Variants in ATP9B observed in about 807,000 individuals in gnomAD.
The protein encoded by ATP9B is ATPase phospholipid transporting 9B.
A neutral mutation model predicts 146.1 loss-of-function variants in ATP9B; 110 were observed. That is an observed-to-expected ratio of 0.75 (90% CI 0.65 to 0.88). The LOEUF (loss-of-function observed/expected upper bound fraction) is 0.88, where lower values mean the gene tolerates loss of function less well. ATP9B is among the 40% of genes least tolerant of loss of function. The pLI is 0.00. For missense variants in ATP9B, 1,499 were observed against 1,496.4 expected, an observed-to-expected ratio of 1.00 and a Z score of -0.03; for synonymous variants, 604 against 569.7, an observed-to-expected ratio of 1.06 and a Z score of -0.86.
At chr18:79,154,626 A>C (rs1359907077) in intron 7 of ATP9B, 71 bp downstream of exon 7, 1 of 1,010,850 alleles carries the variant, frequency 9.9e-7, no homozygotes, top group African/African-American at 1.7e-5. Flanking sequence ...ATATCTATAC[A>C]AGGAAAAACT....
chr18:79,128,986 G>A (rs1356379873), intron 5 of ATP9B, among the ~76,000 whole-genome samples: 1 of 152,094 alleles, frequency 6.6e-6, no homozygotes. Flanking sequence ...GAAGATAATG[G>A]CCCATGTTCC....
intron 12 of ATP9B, among the ~76,000 whole-genome samples, chr18:79,275,391 A>G (rs2096296720): frequency 6.6e-6 from 1 of 152,222 alleles, no homozygotes; most frequent in African/African-American, 2.4e-5. Flanking sequence ...AGAAGAGTTA[A>G]TGTAAATGTG....
chr18:79,282,340 A>G (rs183792649), intron 13 of ATP9B, among the ~76,000 whole-genome samples: 2 of 152,340 alleles, frequency 1.3e-5, no homozygotes, highest in South Asian at 2.1e-4. Flanking sequence ...GTCCAACAAC[A>G]TGGCATGCTA....
intron 12 of ATP9B, among the ~76,000 whole-genome samples, chr18:79,275,235 T>A (rs2096294902): frequency 6.7e-6 from 1 of 148,524 alleles, no homozygotes; most frequent in Non-Finnish European, 1.5e-5. Flanking sequence ...CCCTCTTCTG[T>A]ACAGGAAGGC....
intron 13 of ATP9B, among the ~76,000 whole-genome samples, chr18:79,297,160 G>A (rs1430863890): frequency 1.5e-5 from 2 of 137,430 alleles, no homozygotes; most frequent in Admixed American, 7.6e-5. Flanking sequence ...ACAGAGAGAC[G>A]ACCCAGAGAG....
intron 15 of ATP9B, among the ~76,000 whole-genome samples, chr18:79,318,988 A>G (rs928371583): frequency 3.9e-5 from 6 of 152,148 alleles, no homozygotes; most frequent in Middle Eastern, 3.2e-3. Flanking sequence ...TAAAAATGTT[A>G]GGGAAGAAAA....
intron 4 of ATP9B, among the ~76,000 whole-genome samples, chr18:79,116,938 ATT>A (rs1159481303): frequency 6.0e-5 from 6 of 100,504 alleles, no homozygotes; most frequent in South Asian, 3.4e-4. Context: ...AAAAAAAAAA[ATT>A]AAAAAAAAAA....
Position 79,214,028 on chromosome 18 carries a change from C to CA in ATP9B, c.1103dup (p.Asn368LysfsTer2). 1 of 1,593,930 alleles carries CA rather than the reference C, an allele frequency of 6.3e-7. No individual in the cohort carries two copies. Among genetic ancestry groups the CA allele is most frequent in the Non-Finnish European group, 8.5e-7 (1 of 1,173,508 alleles). ...CGAAGTGTAATGAACACATCCAATC[C>CA]AAAAAATAAGGTAGGCTAGATTGAG... On this transcript the variant is annotated frameshift_variant, in exon 11 of 30. Transcript: ENST00000426216. LOFTEE classifies it high-confidence loss of function.
intron 12 of ATP9B, among the ~76,000 whole-genome samples, chr18:79,269,862 T>C (rs963657535): frequency 6.6e-6 from 1 of 152,254 alleles, no homozygotes; most frequent in Non-Finnish European, 1.5e-5. Context: ...GGCCTGCGCC[T>C]GCTGGCCCTG....
chr18:79,099,053 C>G (rs2075051872), intron 2 of ATP9B, among the ~76,000 whole-genome samples: 2 of 152,212 alleles, frequency 1.3e-5, no homozygotes, highest in African/African-American at 2.4e-5. Flanking sequence ...TTTATTTTCT[C>G]TCTTATTTTG....
chr18:79,210,401 G>A (rs1169129985), intron 10 of ATP9B, among the ~76,000 whole-genome samples: 2 of 152,116 alleles, frequency 1.3e-5, no homozygotes, highest in African/African-American at 4.8e-5. Flanking sequence ...TGGGCCAGCC[G>A]TGTGGTGTCT....
At chr18:79,192,116 AT>A (rs2095372456) in intron 8 of ATP9B, among the ~76,000 whole-genome samples, 1 of 152,036 alleles carries the variant, frequency 6.6e-6, no homozygotes, top group African/African-American at 2.4e-5. Flanking sequence ...TCATACACAG[AT>A]TCGGCCCCTT....
chr18:79,119,853 C>A (rs769185101), intron 4 of ATP9B, among the ~76,000 whole-genome samples: 22 of 152,160 alleles, frequency 1.4e-4, no homozygotes, highest in Non-Finnish European at 3.2e-4. Flanking sequence ...TTGATGTACA[C>A]CTTAGGCTTA....
chr18:79,281,383 G>A (rs945735555), intron 13 of ATP9B, among the ~76,000 whole-genome samples: 1 of 152,004 alleles, frequency 6.6e-6, no homozygotes, highest in Non-Finnish European at 1.5e-5. Flanking sequence ...TGTAGTCTTA[G>A]CTACTCCGGA....
At chr18:79,192,268 T>G (rs2095373848) in intron 8 of ATP9B, among the ~76,000 whole-genome samples, 1 of 152,196 alleles carries the variant, frequency 6.6e-6, no homozygotes, top group Non-Finnish European at 1.5e-5. Flanking sequence ...GACAGAACTT[T>G]ATACACTCAC....
chr18:79,146,965 G>T (rs969573098), intron 6 of ATP9B: 1 of 152,250 alleles, frequency 6.6e-6, no homozygotes, highest in African/African-American at 2.4e-5. Flanking sequence ...GTGCACGAAA[G>T]TCTCTTCAAA....
chr18:79,284,698 T>A (rs941409288), intron 13 of ATP9B, among the ~76,000 whole-genome samples: 3 of 28,670 alleles, frequency 1.0e-4, no homozygotes, highest in African/African-American at 4.1e-4. Flanking sequence ...TGTATACATG[T>A]GCCATGCTGT....
intron 13 of ATP9B, among the ~76,000 whole-genome samples, chr18:79,302,376 G>A (rs909620528): frequency 3.3e-5 from 5 of 151,008 alleles, no homozygotes; most frequent in South Asian, 2.1e-4. Flanking sequence ...GTGGCACCAC[G>A]TTGTGAAATA....
chr18:79,314,465 A>C (rs2096668773), intron 15 of ATP9B, among the ~76,000 whole-genome samples: 1 of 152,252 alleles, frequency 6.6e-6, no homozygotes, highest in Non-Finnish European at 1.5e-5. Context: ...ATTAATTTTA[A>C]ATCCTTAAAG....
Sources: allele counts gnomAD v4.1 joint callset (sites outside exome capture counted in the v4.1 genomes callset), GRCh38; gene constraint gnomAD v4.1.1; transcripts MANE v1.5; gene names NCBI Gene and HGNC (gene_info 2026-07-23, HGNC 2026-07-21).